CLCN1: variants seen among roughly 807,000 people sequenced by gnomAD.
CLCN1 encodes the protein chloride channel protein 1.
Under a neutral mutation model 114.5 loss-of-function variants are expected in CLCN1, and 100 were observed. That is an observed-to-expected ratio of 0.87 (90% CI 0.74 to 1.03). The LOEUF is 1.03. Among genes scored for constraint, CLCN1 ranks in the 50% least tolerant of loss-of-function variants. The pLI is 0.00. For synonymous variants in CLCN1, 485 were observed against 487.1 expected (o/e 1.00, Z 0.06); for missense variants, 1,188 against 1,250.0 (o/e 0.95, Z 0.75).
At chr7:143,329,713 G>A (rs1230355497) in intron 7 of CLCN1, among the ~76,000 whole-genome samples, 1 of 152,154 alleles carries the variant, frequency 6.6e-6, no homozygotes, top group Non-Finnish European at 1.5e-5. Context: ...GTTTCCTGAG[G>A]CCAGGCCTCA....
rs780748786 is a variant in CLCN1 at position 143,332,514 on chromosome 7, G to C, written c.1251+11G>C. On this transcript the variant is annotated intron_variant, in intron 11 of 22. Transcript: ENST00000343257. ...TTCATGGCTGGAGAGGTCAGCTGTT[G>C]GTGGGGCCACATGGTAAAGAGGAAA... 1 of 1,606,958 alleles carries C rather than the reference G, an allele frequency of 6.2e-7. No individual in the cohort carries two copies. The highest frequency in any genetic ancestry group is 8.5e-7 in the Non-Finnish European group (1 of 1,173,580).
chr7:143,349,714 C>T (rs1222213170), intron 20 of CLCN1, among the ~76,000 whole-genome samples: 1 of 152,216 alleles, frequency 6.6e-6, no homozygotes, highest in Non-Finnish European at 1.5e-5. Context: ...CACTACAGTT[C>T]CCTGCATGAG....
intron 20 of CLCN1, among the ~76,000 whole-genome samples, chr7:143,347,278 G>A (rs1424122371): frequency 1.3e-5 from 2 of 152,058 alleles, no homozygotes; most frequent in East Asian, 1.9e-4. Flanking sequence ...AGGTAAAATG[G>A]CACCAGGAGG....
chr7:143,327,957 C>T (rs1470099866), intron 7 of CLCN1, among the ~76,000 whole-genome samples: 1 of 152,130 alleles, frequency 6.6e-6, no homozygotes, highest in Non-Finnish European at 1.5e-5. Context: ...CCTAGCATCC[C>T]GGTGATTAAT....
At chr7:143,341,223 C>G (rs1247236318) in intron 14 of CLCN1, among the ~76,000 whole-genome samples, 2 of 147,360 alleles carry the variant, frequency 1.4e-5, no homozygotes, top group African/African-American at 5.4e-5. Context: ...ATACCTAAAG[C>G]CCAAGGTAAA....
At position 143,320,942 on chromosome 7, in the gene CLCN1, C is replaced by G; in HGVS notation, c.433+147C>G. 7 of 929,702 alleles carry G rather than the reference C, an allele frequency of 7.5e-6. No homozygotes were observed. In the Middle Eastern group the frequency reaches 1.3e-3, roughly 168 times the overall value. 57.6% of individuals were successfully genotyped at this position (929,702 alleles called of 1,614,324 possible). ...AGAGGGATCAGGTGGGACTCCAGGCCCAGAAAAGACCAGACCCAGGCCTGC... is the reference window on the plus strand; with the variant it reads ...AGAGGGATCAGGTGGGACTCCAGGCGCAGAAAAGACCAGACCCAGGCCTGC... On this transcript the variant is annotated intron_variant, in intron 3 of 22. Transcript: ENST00000343257.
At chr7:143,334,604 T>C (rs928864418) in intron 12 of CLCN1, among the ~76,000 whole-genome samples, 1 of 152,140 alleles carries the variant, frequency 6.6e-6, no homozygotes, top group African/African-American at 2.4e-5. Flanking sequence ...AAACGTTCTA[T>C]TTTTTGCTGT....
At chr7:143,319,948 C>A in intron 2 of CLCN1, 73 bp downstream of exon 2, 1 of 1,526,590 alleles carries the variant, frequency 6.6e-7, no homozygotes. Context: ...ACTTGGGCAT[C>A]CCATTGCACG....
chr7:143,344,756 T>TTTG (rs1435760565), intron 16 of CLCN1, among the ~76,000 whole-genome samples: 6 of 149,526 alleles, frequency 4.0e-5, no homozygotes, highest in African/African-American at 1.5e-4. Flanking sequence ...GCAGGGTTTT[T>TTTG]TTTTTTTTTT....
intron 16 of CLCN1, among the ~76,000 whole-genome samples, chr7:143,342,887 C>T (rs1586511920): frequency 6.6e-6 from 1 of 151,622 alleles, no homozygotes; most frequent in Admixed American, 6.6e-5. Flanking sequence ...GAGCCGAGAA[C>T]GTGTCATTGC....
Position 143,342,446 on chromosome 7 carries a change from AG to A in CLCN1, c.1872del (p.Glu624AspfsTer23), listed in dbSNP as rs1424799320. 71 of 1,613,940 alleles carry A rather than the reference AG, an allele frequency of 4.4e-5. No individual in the cohort carries two copies. Among genetic ancestry groups the A allele is most frequent in the Non-Finnish European group, 5.9e-5 (70 of 1,179,970 alleles). The part of the protein sequence containing the change: ...KFVSASYTYG[E>X]LRTLLQTTTV... ...GTTTCAGCTTCTTACACATATGGGG[AG>A]TTGCGAACCCTGCTCCAGACCACCA... On this transcript the variant is annotated frameshift_variant, in exon 16 of 23. Transcript: ENST00000343257. LOFTEE classifies it high-confidence loss of function.
At chr7:143,333,566 A>G (rs1401942400) in intron 12 of CLCN1, among the ~76,000 whole-genome samples, 1 of 152,204 alleles carries the variant, frequency 6.6e-6, no homozygotes, top group African/African-American at 2.4e-5. Flanking sequence ...TTCATTCTCC[A>G]TGTATCTGAT....
At position 143,350,600 on chromosome 7, in the gene CLCN1, C is replaced by G. The variant is rs146653916; in HGVS notation, c.2541C>G (p.His847Gln). ...THTLFSLLGL[H>Q]LAYVTSMGKL... Reference sequence around the variant, plus strand: ...CCCTGTTTTCACTCCTTGGCCTCCACCTCGCTTACGTGACCAGCATGGGGA... The same window carrying G: ...CCCTGTTTTCACTCCTTGGCCTCCAGCTCGCTTACGTGACCAGCATGGGGA... The change falls in exon 22 of 23, where the codon CAC (histidine) becomes CAG (glutamine). Residue 847 changes from histidine to glutamine, a missense_variant. Coordinates refer to ENST00000343257, the MANE Select transcript of CLCN1 (RefSeq NM_000083.3). This position sits in a 1 kb window ranked among gnomAD's most constrained non-coding sequence, Gnocchi z 5.1. The G allele has an allele frequency of 1.2e-6, 2 of 1,614,162 alleles. No individual in the cohort carries two copies. Among genetic ancestry groups the G allele is most frequent in the Non-Finnish European group, 8.5e-7 (1 of 1,180,036 alleles).
In CLCN1 at chr7:143,321,568, G is replaced by A; in HGVS notation, c.562+75G>A. The stretch of plus-strand genomic sequence containing the variant: ...CCCTGTCTGTCTCCCCCATCATCCA[G>A]CCCCACCCACAGCCCTGTGCTGCCT... On this transcript the variant is annotated intron_variant, in intron 4 of 22. Transcript: ENST00000343257. This position sits in a 1 kb window ranked among gnomAD's most constrained non-coding sequence, Gnocchi z 4.2. 3.1e-6 allele frequency: 5 copies of A among 1,610,640 alleles called. No homozygotes were observed. The highest frequency in any genetic ancestry group is 4.2e-6 in the Non-Finnish European group (5 of 1,178,224).
Position 143,337,092 on chromosome 7 carries a change from G to A in CLCN1, c.1402-2161G>A, listed in dbSNP as rs75256981. 2.9e-3 allele frequency among the ~76,000 whole-genome samples: 445 copies of A among 152,304 alleles called. 4 individuals carry two copies. The highest frequency in any genetic ancestry group is 0.01 in the African/African-American group (429 of 41,582). On this transcript the variant is annotated intron_variant, in intron 12 of 22. Transcript: ENST00000343257. ...GATGTGGTAGCTTCCAGTGGGGTCTGGTCATCTGCATTTTAAAGCAAGTTC... is the reference window on the plus strand; with the variant it reads ...GATGTGGTAGCTTCCAGTGGGGTCTAGTCATCTGCATTTTAAAGCAAGTTC...
Position 143,316,202 on chromosome 7 carries a change from G to A in CLCN1, c.-11G>A, listed in dbSNP as rs200147892. 3.1e-6 allele frequency: 5 copies of A among 1,609,902 alleles called. No homozygotes were observed. The highest frequency in any genetic ancestry group is 3.3e-5 in the Admixed American group (2 of 60,024). ...AGGCCAAGGCCTGGCCGGGGCTCGG[G>A]GGGAGGGAATATGGAGCAATCCCGG... On this transcript the variant is annotated 5_prime_UTR_variant, in exon 1 of 23. Transcript: ENST00000343257.
chr7:143,336,974 A>G (rs1802921308), intron 12 of CLCN1, among the ~76,000 whole-genome samples: 1 of 152,200 alleles, frequency 6.6e-6, no homozygotes, highest in Non-Finnish European at 1.5e-5. Flanking sequence ...TTTCAAAGAG[A>G]TGGTACAGGA....
At chr7:143,317,383 G>C (rs1244363780) in intron 1 of CLCN1, among the ~76,000 whole-genome samples, 1 of 151,632 alleles carries the variant, frequency 6.6e-6, no homozygotes, top group Non-Finnish European at 1.5e-5. Flanking sequence ...TGAGTAGCTG[G>C]GATTACAAGC....
At chr7:143,346,024 C>A in intron 17 of CLCN1, 116 bp from the exon 18 acceptor site, 1 of 850,900 alleles carries the variant, frequency 1.2e-6, no homozygotes, top group Non-Finnish European at 2.0e-6. Flanking sequence ...ATAGGAATTT[C>A]TGAACTGGGG....
Sources: gnomAD v4.1 joint callset for allele counts (sites outside exome capture counted in the v4.1 genomes callset) on GRCh38, gnomAD v4.1.1 for gene constraint, Gnocchi (gnomAD v3.1) non-coding constraint, MANE v1.5 for transcripts, NCBI Gene and HGNC (gene_info 2026-07-23, HGNC 2026-07-21) for gene names.